The following EML5 variants were observed in gnomAD, a reference collection of about 807,000 sequenced individuals.
EML5 encodes the protein echinoderm microtubule-associated protein-like 5.
Under a neutral mutation model 250.0 loss-of-function variants are expected in EML5, and 120 were observed. The ratio of observed to expected loss-of-function variants is 0.48; its 90% CI spans 0.41 to 0.56. The LOEUF (loss-of-function observed/expected upper bound fraction) is 0.56. Ranked by LOEUF, EML5 falls within the 20% of genes least tolerant of loss-of-function variation. The pLI, the probability that EML5 is intolerant of heterozygous loss-of-function variation, is 0.00. For synonymous variants in EML5, 771 were observed against 806.5 expected (o/e 0.96, Z 0.75); for missense variants, 2,006 against 2,437.6 (o/e 0.82, Z 3.73).
intron 27 of EML5, among the ~76,000 whole-genome samples, chr14:88,654,198 G>C (rs1457984612): frequency 2.0e-5 from 3 of 151,982 alleles, no homozygotes; most frequent in African/African-American, 7.2e-5. Context: ...CTGGCTAGCA[G>C]TCTATCTATT....
chr14:88,770,758 ACT>A (rs1460843509), intron 1 of EML5, among the ~76,000 whole-genome samples: 2 of 152,088 alleles, frequency 1.3e-5, no homozygotes, highest in African/African-American at 4.8e-5. Context: ...TATAGTAAAA[ACT>A]CAACATTTAT....
intron 1 of EML5, among the ~76,000 whole-genome samples, chr14:88,780,004 C>G (rs1362663377): frequency 6.6e-6 from 1 of 151,746 alleles, no homozygotes; most frequent in African/African-American, 2.4e-5. Flanking sequence ...GGATGGAGTA[C>G]AGTGGTGCAA....
In EML5 at chr14:88,684,460, G is replaced by A. The variant is rs190537126; in HGVS notation, c.2982+555C>T. On this transcript the variant is annotated intron_variant, in intron 20 of 43. Coordinates refer to ENST00000554922, the MANE Select transcript of EML5 (RefSeq NM_183387.3). ...GCTGGGATTACAGGCGTGAGCCACC[G>A]CGCCCGGCCTGTTTTATTATTTACA... 6.3e-3 allele frequency among the ~76,000 whole-genome samples: 924 copies of A among 146,234 alleles called. 8 individuals carry two copies. Among genetic ancestry groups the A allele is most frequent in the African/African-American group, 0.023 (883 of 39,238 alleles).
At chr14:88,664,275 C>A (rs370417861) in intron 23 of EML5, among the ~76,000 whole-genome samples, 978 of 104,812 alleles carry the variant, frequency 9.3e-3, no homozygotes, top group Middle Eastern at 0.011. Flanking sequence ...AGACCTGTCT[C>A]AAAAAAAAAA....
At chr14:88,752,890 TCCCACTCCATC>T (rs2094116351) in intron 2 of EML5, among the ~76,000 whole-genome samples, 1 of 152,096 alleles carries the variant, frequency 6.6e-6, no homozygotes, top group South Asian at 2.1e-4. Flanking sequence ...AAGATTATCT[TCCCACTCCATC>T]CCCTCTCCAG....
At chr14:88,747,354 G>C (rs1219476790) in intron 2 of EML5, among the ~76,000 whole-genome samples, 2 of 152,128 alleles carry the variant, frequency 1.3e-5, no homozygotes, top group Non-Finnish European at 2.9e-5. Context: ...AGAGGTTGCA[G>C]AGAGCTGAGG....
chr14:88,653,294 TC>T (rs1453170760), intron 27 of EML5, among the ~76,000 whole-genome samples: 1 of 152,226 alleles, frequency 6.6e-6, no homozygotes, highest in East Asian at 1.9e-4. Context: ...TATTTCTTTC[TC>T]TTGCCTAATT....
intron 8 of EML5, among the ~76,000 whole-genome samples, chr14:88,725,659 C>T (rs2093655899): frequency 1.3e-5 from 2 of 152,244 alleles, no homozygotes; most frequent in South Asian, 2.1e-4. Context: ...GAAGAAAGCA[C>T]ACAATGTGTT....
At chr14:88,698,014 GGT>G in intron 14 of EML5, among the ~76,000 whole-genome samples, 1 of 152,110 alleles carries the variant, frequency 6.6e-6, no homozygotes, top group East Asian at 1.9e-4. Flanking sequence ...TGGGATTACA[GGT>G]GTGAGCTACC....
At chr14:88,699,508 C>G (rs745629424) in intron 14 of EML5, among the ~76,000 whole-genome samples, 1 of 152,050 alleles carries the variant, frequency 6.6e-6, no homozygotes, top group Non-Finnish European at 1.5e-5. Flanking sequence ...GCTGTTTAGA[C>G]AGCCTACAGG....
At chr14:88,688,864 T>C (rs114090036) in intron 17 of EML5, among the ~76,000 whole-genome samples, 2,844 of 152,314 alleles carry the variant, frequency 0.019, 101 homozygotes, top group African/African-American at 0.065. Context: ...CAACCTCATC[T>C]CCCTTCTTCA....
chr14:88,618,642 T>C lies in EML5; in HGVS notation c.5538+8A>G, dbSNP rs2088207323. 1 of 1,611,566 alleles carries C rather than the reference T, an allele frequency of 6.2e-7. No individual in the cohort carries two copies. The highest frequency in any genetic ancestry group is 8.5e-7 in the Non-Finnish European group (1 of 1,179,036). Reference sequence around the variant, plus strand: ...TTGCCACCTGGGTATACAGTATTGGTACTGTACCTGGAGATAACTGCTATC... The same window carrying C: ...TTGCCACCTGGGTATACAGTATTGGCACTGTACCTGGAGATAACTGCTATC... On this transcript the variant is annotated splice_region_variant and intron_variant, in intron 40 of 43. Transcript: ENST00000554922.
intron 1 of EML5, among the ~76,000 whole-genome samples, chr14:88,783,411 C>T (rs186728547): frequency 1.3e-5 from 2 of 152,300 alleles, no homozygotes; most frequent in East Asian, 1.9e-4. Flanking sequence ...AATGGAGCTT[C>T]CACTGATCCA....
chr14:88,721,962 C>T lies in EML5; in HGVS notation c.1187+4579G>A, dbSNP rs112422451. On this transcript the variant is annotated intron_variant, in intron 8 of 43. Transcript: ENST00000554922. ...TTAAAAAGTGGGCAAAGGACATGAG[C>T]GGACACTTTTTGAAAGACAACATTT... 3.7e-3 allele frequency among the ~76,000 whole-genome samples: 566 copies of T among 152,164 alleles called. 4 individuals are homozygous for T. Among genetic ancestry groups the T allele is most frequent in the African/African-American group, 0.012 (518 of 41,490 alleles).
chr14:88,652,794 C>A (rs985291069), intron 27 of EML5, among the ~76,000 whole-genome samples: 3 of 152,102 alleles, frequency 2.0e-5, no homozygotes, highest in Non-Finnish European at 2.9e-5. Flanking sequence ...TGTTTACCAC[C>A]TTTGATTTTG....
Position 88,792,550 on chromosome 14 carries a change from G to C in EML5, c.-47C>G. On this transcript the variant is annotated 5_prime_UTR_variant, in exon 1 of 44. Transcript: ENST00000554922. The surrounding 1 kb of genome is among the most constrained non-coding windows in gnomAD (Gnocchi z 6.9). ...TCCCGCTCGGGCCCGCGGCGGCGAC[G>C]GGAGGCGGCGGCGGCCCGGCAACGA... 2.4e-6 allele frequency: 3 copies of C among 1,224,952 alleles called. No homozygotes were observed. Among genetic ancestry groups the C allele is most frequent in the Non-Finnish European group, 3.1e-6 (3 of 978,014 alleles). 75.9% of individuals were successfully genotyped at this position (1,224,952 alleles called of 1,614,324 possible). A position where few individuals can be genotyped will look rare whatever the true frequency, so the allele number is the denominator to read the frequency against.
chr14:88,788,201 C>A (rs776039311), intron 1 of EML5, among the ~76,000 whole-genome samples: 9 of 152,142 alleles, frequency 5.9e-5, no homozygotes, highest in African/African-American at 2.2e-4. Context: ...ATCTATCTAC[C>A]GTGCAAATGT....
At chr14:88,759,458 A>AG (rs1034425967) in intron 1 of EML5, among the ~76,000 whole-genome samples, 6 of 151,938 alleles carry the variant, frequency 3.9e-5, no homozygotes, top group Admixed American at 3.9e-4. Context: ...CTGAGGCAGG[A>AG]GGATCACTTC....
intron 13 of EML5, among the ~76,000 whole-genome samples, chr14:88,703,934 T>C (rs1458987132): frequency 6.6e-6 from 1 of 152,182 alleles, no homozygotes; most frequent in Non-Finnish European, 1.5e-5. Flanking sequence ...ACAAATTTAT[T>C]TTTTATTTAA....
Sources: allele counts gnomAD v4.1 joint callset (sites outside exome capture counted in the v4.1 genomes callset), GRCh38; gene constraint gnomAD v4.1.1; non-coding constraint Gnocchi (gnomAD v3.1); transcripts MANE v1.5; gene names NCBI Gene and HGNC (gene_info 2026-07-23, HGNC 2026-07-21).